Variants in DYNLRB2 observed in about 807,000 individuals in gnomAD.
DYNLRB2 encodes the protein bithoraxoid-like protein.
A neutral mutation model predicts 12.6 loss-of-function variants in DYNLRB2; 14 were observed. The observed-to-expected ratio is 1.11, with a 90% CI of 0.73 to 1.73. The LOEUF is 1.73. DYNLRB2 is among the 40% of genes most tolerant of loss of function. The pLI is 0.00. For missense variants in DYNLRB2, 142 were observed against 117.7 expected (o/e 1.21, Z -0.95); for synonymous variants, 53 against 37.0 (o/e 1.43, Z -1.57).
At chr16:80,550,387 G>A (rs1263258575) in intron 3 of DYNLRB2, 128 bp from the exon 4 acceptor site, 15 of 1,016,940 alleles carry the variant, frequency 1.5e-5, no homozygotes, top group Non-Finnish European at 2.3e-5. Flanking sequence ...CATACGTGCA[G>A]ATAGGGTGGG....
chr16:80,550,379 T>C, intron 3 of DYNLRB2, 136 bp from the exon 4 acceptor site: 1 of 897,274 alleles, frequency 1.1e-6, no homozygotes. Context: ...AGGTAATTCA[T>C]ACGTGCAGAT....
chr16:80,546,954 G>A (rs1443080628), intron 2 of DYNLRB2, among the ~76,000 whole-genome samples: 1 of 152,196 alleles, frequency 6.6e-6, no homozygotes, highest in African/African-American at 2.4e-5. Flanking sequence ...ATTTTAGAAT[G>A]CACATGCTCT....
intron 2 of DYNLRB2, among the ~76,000 whole-genome samples, chr16:80,545,342 G>A (rs1333814734): frequency 6.6e-6 from 1 of 152,100 alleles, no homozygotes. Flanking sequence ...AACAGTAGGG[G>A]AATTTTTAAA....
At chr16:80,546,527 C>T (rs1904478573) in intron 2 of DYNLRB2, among the ~76,000 whole-genome samples, 1 of 152,064 alleles carries the variant, frequency 6.6e-6, no homozygotes, top group African/African-American at 2.4e-5. Flanking sequence ...TATTGATGAC[C>T]GTAAAGTAGT....
chr16:80,545,824 C>T lies in DYNLRB2; in HGVS notation c.79+2473C>T, dbSNP rs570775872. Among the ~76,000 whole-genome samples, 7 of 140,828 alleles carry T rather than the reference C, an allele frequency of 5.0e-5. No homozygotes were observed. In the East Asian group the frequency reaches 8.3e-4, roughly 17 times the overall value. The allele number at this position is 140,828 out of a possible 152,430, so 92.4% of individuals were successfully genotyped here. On this transcript the variant is annotated intron_variant, in intron 2 of 3. Coordinates refer to ENST00000305904, the MANE Select transcript of DYNLRB2 (RefSeq NM_130897.3). ...CCAAGTAGCTGGGACTACAGGCACC[C>T]GCCACCACGCCTGGCTAATTTTTTG...
chr16:80,549,448 A>G, intron 2 of DYNLRB2, 36 bp from the exon 3 acceptor site: 1 of 1,540,030 alleles, frequency 6.5e-7, no homozygotes, highest in Non-Finnish European at 8.8e-7. Context: ...TTTTCTAATC[A>G]GAAAAAATAT....
intron 3 of DYNLRB2, 96 bp downstream of exon 3, chr16:80,549,747 G>C (rs2142316044): frequency 8.0e-7 from 1 of 1,256,246 alleles, no homozygotes; most frequent in African/African-American, 1.5e-5. Context: ...TTTTAGTATA[G>C]AATATAAAAC....
chr16:80,544,530 G>A (rs563800547), intron 2 of DYNLRB2, among the ~76,000 whole-genome samples: 25 of 152,138 alleles, frequency 1.6e-4, no homozygotes, highest in Non-Finnish European at 1.2e-4. Flanking sequence ...CTAGTACGTG[G>A]ATCTGGTTGC....
Position 80,543,278 on chromosome 16 carries a change from A to G in DYNLRB2, c.6A>G (p.Ala2=). The change falls in exon 2 of 4, where the codon GCA becomes GCG. Residue 2 remains alanine (A), a splice_region_variant and synonymous_variant. Transcript: ENST00000305904. ...ATTATCTTCCTGGTCTCTTTCAGGCAGAGGTGGAGGAAACCTTAAAGAGGA... is the reference window on the plus strand; with the variant it reads ...ATTATCTTCCTGGTCTCTTTCAGGCGGAGGTGGAGGAAACCTTAAAGAGGA... M[A]EVEETLKRIQ... The G allele has an allele frequency of 6.2e-7, 1 of 1,613,968 alleles. No individual in the cohort carries two copies. Among genetic ancestry groups the G allele is most frequent in the Non-Finnish European group, 8.5e-7 (1 of 1,179,896 alleles).
At chr16:80,549,733 C>T in intron 3 of DYNLRB2, 82 bp downstream of exon 3, 1 of 1,366,686 alleles carries the variant, frequency 7.3e-7, no homozygotes, top group Non-Finnish European at 9.9e-7. Context: ...ATGGTAAGTA[C>T]AGATTTTAGT....
chr16:80,540,879 C>A, upstream of DYNLRB2: 1 of 944,316 alleles, frequency 1.1e-6, no homozygotes, highest in South Asian at 1.4e-5. Context: ...CCCTCTTCCG[C>A]GAACCTTCGC....
chr16:80,547,701 A>G, intron 2 of DYNLRB2: 1 of 452,938 alleles, frequency 2.2e-6, no homozygotes, highest in South Asian at 1.6e-5. Context: ...CTGCTCGTCA[A>G]AAAGTTCCCA....
At chr16:80,550,377 C>G in intron 3 of DYNLRB2, 138 bp from the exon 4 acceptor site, 1 of 890,268 alleles carries the variant, frequency 1.1e-6, no homozygotes, top group Non-Finnish European at 1.8e-6. Flanking sequence ...ACAGGTAATT[C>G]ATACGTGCAG....
intron 2 of DYNLRB2, among the ~76,000 whole-genome samples, chr16:80,546,287 G>T (rs1904463266): frequency 6.6e-6 from 1 of 152,124 alleles, no homozygotes; most frequent in African/African-American, 2.4e-5. Context: ...TTTCAGCTTT[G>T]GGAAGTCCCA....
chr16:80,540,793 A>G, upstream of DYNLRB2: 1 of 704,698 alleles, frequency 1.4e-6, no homozygotes, highest in Non-Finnish European at 2.6e-6. Flanking sequence ...ACAGGCCGGG[A>G]GCCTGACCCA....
At chr16:80,547,306 A>G (rs914439354) in intron 2 of DYNLRB2, among the ~76,000 whole-genome samples, 6 of 152,220 alleles carry the variant, frequency 3.9e-5, no homozygotes, top group Non-Finnish European at 5.9e-5. Flanking sequence ...GAATGTCTCT[A>G]GAAGGCTTCT....
intron 1 of DYNLRB2, among the ~76,000 whole-genome samples, chr16:80,542,318 A>T (rs1904295174): frequency 6.6e-6 from 1 of 152,228 alleles, no homozygotes; most frequent in Admixed American, 6.5e-5. Context: ...CATGGCATTC[A>T]TAATGGCAAG....
At chr16:80,541,364 G>C (rs1028795908) in intron 1 of DYNLRB2, 10 of 984,578 alleles carry the variant, frequency 1.0e-5, no homozygotes, top group Non-Finnish European at 1.2e-5. Context: ...GATGAAGAAT[G>C]CTCAGGGGAG....
rs192462552 is a variant in DYNLRB2, at chr16:80,543,034, C to T, written c.4-242C>T. Among the ~76,000 whole-genome samples the T allele has an allele frequency of 1.4e-4, 22 of 152,288 alleles. No individual in the cohort carries two copies. The East Asian group carries it at 4.2e-3, about 29-fold the overall frequency. On this transcript the variant is annotated intron_variant, in intron 1 of 3. Coordinates refer to ENST00000305904, the MANE Select transcript of DYNLRB2 (RefSeq NM_130897.3). The stretch of plus-strand genomic sequence containing the variant: ...GAGTGAACTCCTGTGAGGCAGTAAG[C>T]TCTCTGTCTCTACAAGGGTTCAAGC...
Sources: allele counts gnomAD v4.1 joint callset (sites outside exome capture counted in the v4.1 genomes callset), GRCh38; gene constraint gnomAD v4.1.1; transcripts MANE v1.5; gene names NCBI Gene and HGNC (gene_info 2026-07-23, HGNC 2026-07-21).